Variants in TBC1D19 observed in about 807,000 individuals in gnomAD.
The protein encoded by TBC1D19 is TBC1 domain family, member 19.
Under a neutral mutation model 89.0 loss-of-function variants are expected in TBC1D19, and 60 were observed. The ratio of observed to expected loss-of-function variants is 0.67; its 90% CI spans 0.55 to 0.84. The LOEUF (loss-of-function observed/expected upper bound fraction) is 0.84. TBC1D19 is among the 40% of genes least tolerant of loss of function. The pLI, the probability that TBC1D19 is intolerant of heterozygous loss-of-function variation, is 0.00. For synonymous variants in TBC1D19, 189 were observed against 199.7 expected, an observed-to-expected ratio of 0.95 and a Z score of 0.45; for missense variants, 500 against 610.8, an observed-to-expected ratio of 0.82 and a Z score of 1.91.
chr4:26,635,145 A>C (rs992622206), intron 4 of TBC1D19, among the ~76,000 whole-genome samples: 4 of 152,118 alleles, frequency 2.6e-5, no homozygotes, highest in African/African-American at 9.7e-5. Context: ...TATGTATGCA[A>C]ATTTTATTTT....
At chr4:26,639,141 T>A (rs550308138) in intron 6 of TBC1D19, among the ~76,000 whole-genome samples, 1 of 152,308 alleles carries the variant, frequency 6.6e-6, no homozygotes, top group African/African-American at 2.4e-5. Flanking sequence ...CTCAAGCTCC[T>A]GGGCTCAGAG....
chr4:26,819,450 G>T, the TBC1D19 span, among the ~76,000 whole-genome samples: 1 of 152,174 alleles, frequency 6.6e-6, no homozygotes, highest in Non-Finnish European at 1.5e-5. Context: ...ACACAAGAAA[G>T]AATTGATGGT....
At chr4:26,820,293 T>A in the TBC1D19 span, among the ~76,000 whole-genome samples, 1 of 152,224 alleles carries the variant, frequency 6.6e-6, no homozygotes. Context: ...AACTTTGTAC[T>A]GTTTGTTCAA....
At position 26,659,464 on chromosome 4, in the gene TBC1D19, T is replaced by C. The variant is rs1745079933; in HGVS notation, c.481-133T>C. On this transcript the variant is annotated intron_variant, in intron 7 of 20. Transcript: ENST00000264866. ...AATATACTTTTATACTATTTTAGAATGTAATTAAAGTATGTGCATCACCCA... is the reference window on the plus strand; with the variant it reads ...AATATACTTTTATACTATTTTAGAACGTAATTAAAGTATGTGCATCACCCA... 6 of 497,288 alleles carry C rather than the reference T, an allele frequency of 1.2e-5. No individual in the cohort carries two copies. In the South Asian group the frequency reaches 2.0e-4, roughly 17 times the overall value. The allele number at this position is 497,288 out of a possible 1,614,324, so 30.8% of individuals were successfully genotyped here.
chr4:26,679,630 C>G (rs1476195193), intron 11 of TBC1D19, among the ~76,000 whole-genome samples: 1 of 152,158 alleles, frequency 6.6e-6, no homozygotes, highest in Non-Finnish European at 1.5e-5. Flanking sequence ...ATCCTCCAGA[C>G]CCCAGAATGG....
chr4:26,674,638 T>C (rs1381115697), intron 11 of TBC1D19, among the ~76,000 whole-genome samples: 1 of 152,026 alleles, frequency 6.6e-6, no homozygotes, highest in Non-Finnish European at 1.5e-5. Context: ...AAATATATCA[T>C]TGAGCAAGTA....
intron 12 of TBC1D19, 53 bp downstream of exon 12, chr4:26,683,802 A>G: frequency 2.1e-6 from 3 of 1,435,514 alleles, no homozygotes; most frequent in Non-Finnish European, 2.9e-6. Flanking sequence ...TTTAGAATTG[A>G]GATTCTTCAG....
chr4:26,652,979 T>A (rs1744507235), intron 7 of TBC1D19, among the ~76,000 whole-genome samples: 1 of 152,240 alleles, frequency 6.6e-6, no homozygotes, highest in African/African-American at 2.4e-5. Flanking sequence ...ATTTTAGATC[T>A]TTCCTGCTTT....
At chr4:26,622,436 A>T (rs1422537184) in intron 4 of TBC1D19, among the ~76,000 whole-genome samples, 2 of 152,092 alleles carry the variant, frequency 1.3e-5, no homozygotes, top group East Asian at 1.9e-4. Flanking sequence ...GAGGTAAATA[A>T]TAAGTCGACT....
chr4:26,842,583 C>CCTCCCTTCCTTTCTTT, the TBC1D19 span, among the ~76,000 whole-genome samples: 2 of 70,610 alleles, frequency 2.8e-5, no homozygotes, highest in Non-Finnish European at 5.8e-5. Flanking sequence ...TTCCTCCCTC[C>CCTCCCTTCCTTTCTTT]CTTTCTTTCT....
chr4:26,626,157 T>C (rs1033762045), intron 4 of TBC1D19, among the ~76,000 whole-genome samples: 2 of 152,190 alleles, frequency 1.3e-5, no homozygotes, highest in Admixed American at 1.3e-4. Flanking sequence ...TGAGTTTTAA[T>C]ATTTTTTAAT....
At chr4:26,728,920 C>T (rs939649138) in intron 15 of TBC1D19, among the ~76,000 whole-genome samples, 6 of 152,268 alleles carry the variant, frequency 3.9e-5, no homozygotes, top group African/African-American at 1.2e-4. Context: ...AAGGCTGAGG[C>T]AGGAGAATGG....
At chr4:26,595,440 T>A (rs1271909639) in intron 1 of TBC1D19, among the ~76,000 whole-genome samples, 1 of 152,222 alleles carries the variant, frequency 6.6e-6, no homozygotes. Context: ...ATCAATTGTT[T>A]TCTTTTATGG....
At chr4:26,619,646 A>C (rs944231948) in intron 3 of TBC1D19, among the ~76,000 whole-genome samples, 3 of 152,320 alleles carry the variant, frequency 2.0e-5, no homozygotes, top group South Asian at 2.1e-4. Context: ...TAGAGACTTA[A>C]ATTTTTTTTC....
the TBC1D19 span, among the ~76,000 whole-genome samples, chr4:26,849,187 T>TAC: frequency 3.8e-5 from 4 of 104,532 alleles, no homozygotes; most frequent in African/African-American, 1.1e-4. Context: ...AAATAAATGA[T>TAC]ACACACACAC....
the TBC1D19 span, among the ~76,000 whole-genome samples, chr4:26,855,994 A>G: frequency 1.3e-5 from 2 of 152,220 alleles, no homozygotes; most frequent in Admixed American, 6.5e-5. Flanking sequence ...AATGTTAAAA[A>G]TCTATCTTTT....
Position 26,654,270 on chromosome 4 carries a change from T to C in TBC1D19, c.481-5327T>C, listed in dbSNP as rs201186027. 3.0e-4 allele frequency among the ~76,000 whole-genome samples: 46 copies of C among 152,328 alleles called. No individual in the cohort carries two copies. The East Asian group carries it at 7.7e-3, about 26-fold the overall frequency. ...TGTTAGTCTGATGGGCTTCCCTTTG[T>C]GGGTAACCCAACCTTTCTCTCTGGC... On this transcript the variant is annotated intron_variant, in intron 7 of 20. Transcript: ENST00000264866.
chr4:26,764,880 T>C, the TBC1D19 span, among the ~76,000 whole-genome samples: 2 of 152,196 alleles, frequency 1.3e-5, no homozygotes, highest in African/African-American at 4.8e-5. Context: ...CAGAATGTGA[T>C]ATTTGCATTT....
At chr4:26,764,715 C>G in the TBC1D19 span, among the ~76,000 whole-genome samples, 9 of 151,876 alleles carry the variant, frequency 5.9e-5, no homozygotes, top group African/African-American at 1.7e-4. Flanking sequence ...GGAATATAAC[C>G]TAGAAAAGAA....
Sources: allele counts gnomAD v4.1 joint callset (sites outside exome capture counted in the v4.1 genomes callset), GRCh38; gene constraint gnomAD v4.1.1; transcripts MANE v1.5; gene names NCBI Gene and HGNC (gene_info 2026-07-23, HGNC 2026-07-21).